The following DSCAML1 variants were observed in gnomAD, a reference collection of about 807,000 sequenced individuals.
The protein encoded by DSCAML1 is DS cell adhesion molecule like 1.
DSCAML1 carries 38 observed loss-of-function variants against 200.5 expected under a neutral mutation model. The ratio of observed to expected loss-of-function variants is 0.19; its 90% CI spans 0.15 to 0.25. The LOEUF is 0.25. Ranked by LOEUF, DSCAML1 falls within the 10% of genes least tolerant of loss-of-function variation. DSCAML1 has a pLI of 1.00. For synonymous variants in DSCAML1, 1,215 were observed against 1,165.0 expected (o/e 1.04, Z -0.87); for missense variants, 2,223 against 2,858.8 (o/e 0.78, Z 5.07).
At chr11:117,770,487 C>T (rs1173545373) in intron 3 of DSCAML1, among the ~76,000 whole-genome samples, 1 of 152,096 alleles carries the variant, frequency 6.6e-6, no homozygotes, top group Non-Finnish European at 1.5e-5. Flanking sequence ...ACTGGTAATG[C>T]CACCGATTTG....
chr11:117,700,704 T>C (rs2053651304), intron 3 of DSCAML1, among the ~76,000 whole-genome samples: 1 of 152,166 alleles, frequency 6.6e-6, no homozygotes, highest in African/African-American at 2.4e-5. Flanking sequence ...GTGGCAACTG[T>C]GATAGAAACA....
At chr11:117,758,693 C>T (rs2054742382) in intron 3 of DSCAML1, among the ~76,000 whole-genome samples, 2 of 152,124 alleles carry the variant, frequency 1.3e-5, no homozygotes, top group South Asian at 2.1e-4. Context: ...TGAGCCAAAG[C>T]GCCCGGCCGG....
chr11:117,554,411 T>G (rs1453229421), intron 3 of DSCAML1, among the ~76,000 whole-genome samples: 4 of 152,186 alleles, frequency 2.6e-5, no homozygotes, highest in African/African-American at 9.6e-5. Context: ...GATGAAGTCT[T>G]GCTCTGTCAC....
At position 117,482,101 on chromosome 11, in the gene DSCAML1, C is replaced by T. The variant is rs746911144; in HGVS notation, c.2421G>A (p.Glu807=). Residue 807 remains glutamate, a synonymous_variant, in exon 12 of 33, where the codon GAG becomes GAA. Transcript: ENST00000651296. ...TTIAIKGHAK[E]LNCTARGERP... The stretch of plus-strand genomic sequence containing the variant: ...GCTCACCCCGTGCCGTGCAGTTTAG[C>T]TCCTTCGCATGGCCCTTGATGGCGA... 15 of 1,614,210 alleles carry T rather than the reference C, an allele frequency of 9.3e-6. No homozygotes were observed. Among genetic ancestry groups the T allele is most frequent in the Non-Finnish European group, 1.3e-5 (15 of 1,180,012 alleles).
At chr11:117,446,220 C>T (rs2048174197) in intron 20 of DSCAML1, among the ~76,000 whole-genome samples, 1 of 152,136 alleles carries the variant, frequency 6.6e-6, no homozygotes, top group Non-Finnish European at 1.5e-5. Context: ...CAAAATTAGC[C>T]AGGCGTGGTG....
chr11:117,559,469 C>A (rs1351558636), intron 3 of DSCAML1, among the ~76,000 whole-genome samples: 1 of 152,194 alleles, frequency 6.6e-6, no homozygotes, highest in Admixed American at 6.5e-5. Flanking sequence ...TGTGCCAAAC[C>A]CATGTATGAC....
At chr11:117,631,621 A>C (rs993699284) in intron 3 of DSCAML1, among the ~76,000 whole-genome samples, 5 of 152,250 alleles carry the variant, frequency 3.3e-5, no homozygotes, top group African/African-American at 1.2e-4. Flanking sequence ...AATACATTAG[A>C]ATATCAGACA....
intron 1 of DSCAML1, among the ~76,000 whole-genome samples, chr11:117,814,811 C>T (rs536760604): frequency 6.6e-6 from 1 of 152,328 alleles, no homozygotes; most frequent in African/African-American, 2.4e-5. Context: ...TCGTCCCCCT[C>T]CTGCCCCCTG....
intron 1 of DSCAML1, among the ~76,000 whole-genome samples, chr11:117,806,307 G>C (rs142255006): frequency 4.6e-4 from 70 of 152,314 alleles, no homozygotes; most frequent in Middle Eastern, 3.4e-3. Flanking sequence ...GCAGGGAAAA[G>C]GCCTCCCTGC....
chr11:117,523,914 C>G (rs2049926671), intron 5 of DSCAML1, among the ~76,000 whole-genome samples: 1 of 152,218 alleles, frequency 6.6e-6, no homozygotes, highest in Admixed American at 6.5e-5. Flanking sequence ...TGTCCAGATC[C>G]CAGCCCCACT....
chr11:117,512,010 G>A (rs2049629606), intron 8 of DSCAML1, among the ~76,000 whole-genome samples: 1 of 152,238 alleles, frequency 6.6e-6, no homozygotes, highest in Non-Finnish European at 1.5e-5. Flanking sequence ...AAGACAAGCA[G>A]TCCCAGAAGG....
intron 1 of DSCAML1, among the ~76,000 whole-genome samples, chr11:117,789,603 T>C (rs959954039): frequency 2.0e-5 from 3 of 152,116 alleles, no homozygotes; most frequent in Non-Finnish European, 4.4e-5. Context: ...AGGAGCACCA[T>C]GAAGCACCGA....
intron 3 of DSCAML1, among the ~76,000 whole-genome samples, chr11:117,617,817 T>A (rs2051842398): frequency 6.6e-6 from 1 of 152,026 alleles, no homozygotes; most frequent in Non-Finnish European, 1.5e-5. Context: ...ATGCCTCGTG[T>A]CACACTTCAC....
At chr11:117,616,961 G>A (rs2051822134) in intron 3 of DSCAML1, among the ~76,000 whole-genome samples, 1 of 152,138 alleles carries the variant, frequency 6.6e-6, no homozygotes, top group South Asian at 2.1e-4. Context: ...GGGATATACT[G>A]ACATTTTCAT....
chr11:117,513,157 C>T (rs983611524), intron 8 of DSCAML1, among the ~76,000 whole-genome samples: 19 of 152,096 alleles, frequency 1.2e-4, no homozygotes, highest in African/African-American at 4.1e-4. Flanking sequence ...TGGATACAGG[C>T]GGCCCGGCCC....
intron 4 of DSCAML1, among the ~76,000 whole-genome samples, chr11:117,530,747 C>A (rs752036171): frequency 2.0e-5 from 3 of 152,088 alleles, no homozygotes; most frequent in Non-Finnish European, 4.4e-5. Flanking sequence ...CACCAAACCA[C>A]CAAACTCAGG....
intron 1 of DSCAML1, among the ~76,000 whole-genome samples, chr11:117,816,233 G>A (rs919875782): frequency 1.3e-5 from 2 of 152,310 alleles, no homozygotes; most frequent in East Asian, 3.9e-4. Flanking sequence ...TAGGACACTC[G>A]GGCCCTTCCG....
intron 1 of DSCAML1, among the ~76,000 whole-genome samples, chr11:117,807,391 T>A (rs1250085948): frequency 6.6e-6 from 1 of 152,140 alleles, no homozygotes. Flanking sequence ...TCAGAATGAT[T>A]TGGGGGGTGG....
chr11:117,603,403 T>C (rs564002906), intron 3 of DSCAML1, among the ~76,000 whole-genome samples: 1 of 152,326 alleles, frequency 6.6e-6, no homozygotes, highest in East Asian at 1.9e-4. Context: ...TCAGGCTTAT[T>C]TGGATCTTTG....
Sources: allele counts gnomAD v4.1 joint callset (sites outside exome capture counted in the v4.1 genomes callset), GRCh38; gene constraint gnomAD v4.1.1; transcripts MANE v1.5; gene names NCBI Gene and HGNC (gene_info 2026-07-23, HGNC 2026-07-21).